The following NHSL1 variants were observed in gnomAD, a reference collection of about 807,000 sequenced individuals.
NHSL1 encodes the protein NHS-like protein 1.
NHSL1 carries 48 observed loss-of-function variants against 95.0 expected under a neutral mutation model. The ratio of observed to expected loss-of-function variants is 0.51; its 90% CI spans 0.40 to 0.64. The LOEUF (loss-of-function observed/expected upper bound fraction) is 0.64, where lower values mean the gene tolerates loss of function less well. Ranked by LOEUF, NHSL1 falls within the 30% of genes least tolerant of loss-of-function variation. The probability of loss-of-function intolerance (pLI) is 0.00; values close to 1 mark genes in which losing one functional copy is unlikely to be tolerated. For missense variants in NHSL1, 1,971 were observed against 2,077.7 expected (o/e 0.95, Z 1.00); for synonymous variants, 783 against 833.9 (o/e 0.94, Z 1.05).
intron 5 of NHSL1, among the ~76,000 whole-genome samples, chr6:138,439,600 T>C (rs1313277732): frequency 6.6e-6 from 1 of 152,234 alleles, no homozygotes; most frequent in South Asian, 2.1e-4. Context: ...CCTCATTCTA[T>C]CCAGTAATCC....
rs1472968303 is a variant in NHSL1 at position 138,520,949 on chromosome 6, C to A, written c.17-24578G>T. ...GAAAGTTATCAGTATCAAAATGGAG[C>A]CACTAATGTCAAACCCAAAAAACTG... On this transcript the variant is annotated intron_variant, in intron 1 of 4. Transcript: ENST00000342260. Among the ~76,000 whole-genome samples, 3 of 152,198 alleles carry A rather than the reference C, an allele frequency of 2.0e-5. No homozygotes were observed. The East Asian group carries it at 5.8e-4, about 29-fold the overall frequency.
At chr6:138,659,535 A>T (rs1280377224) in intron 1 of NHSL1, among the ~76,000 whole-genome samples, 1 of 152,218 alleles carries the variant, frequency 6.6e-6, no homozygotes, top group Admixed American at 6.5e-5. Context: ...TGGGGTTGAA[A>T]GAATGATGCT....
intron 1 of NHSL1, among the ~76,000 whole-genome samples, chr6:138,537,548 C>T (rs897145138): frequency 6.6e-6 from 1 of 152,006 alleles, no homozygotes; most frequent in Non-Finnish European, 1.5e-5. Flanking sequence ...ATTTAAATAA[C>T]ATCACTATAT....
chr6:138,544,944 T>C (rs1782722939), intron 1 of NHSL1, among the ~76,000 whole-genome samples: 1 of 150,914 alleles, frequency 6.6e-6, no homozygotes, highest in Non-Finnish European at 1.5e-5. Flanking sequence ...AGTATTATAA[T>C]CCATATGTGG....
chr6:138,595,772 A>G (rs572825047), intron 1 of NHSL1, among the ~76,000 whole-genome samples: 1 of 152,318 alleles, frequency 6.6e-6, no homozygotes, highest in African/African-American at 2.4e-5. Flanking sequence ...AAGTTGAAAG[A>G]TTTCGGAAAC....
chr6:138,683,625 C>T (rs1396567413), intron 1 of NHSL1, among the ~76,000 whole-genome samples: 2 of 152,168 alleles, frequency 1.3e-5, no homozygotes, highest in African/African-American at 4.8e-5. Context: ...TCTTCCTGGC[C>T]TCATCTGAGT....
At chr6:138,563,264 AC>A (rs1783481419) in intron 1 of NHSL1, among the ~76,000 whole-genome samples, 1 of 152,240 alleles carries the variant, frequency 6.6e-6, no homozygotes, top group Non-Finnish European at 1.5e-5. Flanking sequence ...GTAAACATTC[AC>A]TAAATATTAG....
intron 1 of NHSL1, among the ~76,000 whole-genome samples, chr6:138,605,961 T>A (rs1200399789): frequency 7.2e-5 from 11 of 152,256 alleles, no homozygotes; most frequent in Admixed American, 3.9e-4. Flanking sequence ...ACAGCTCACT[T>A]AACTTCTCTG....
chr6:138,535,376 C>T (rs1378765277), intron 1 of NHSL1, among the ~76,000 whole-genome samples: 1 of 152,060 alleles, frequency 6.6e-6, no homozygotes, highest in Admixed American at 6.6e-5. Flanking sequence ...CCAGTCTCGG[C>T]AACACAGTAA....
upstream of NHSL1, among the ~76,000 whole-genome samples, chr6:138,502,422 A>G (rs1412814649): frequency 6.6e-6 from 1 of 152,098 alleles, no homozygotes; most frequent in East Asian, 1.9e-4. Context: ...TGCAACAGAA[A>G]AGATATAAAT....
intron 3 of NHSL1, chr6:138,464,249 G>T: frequency 2.5e-6 from 2 of 810,720 alleles, no homozygotes; most frequent in Non-Finnish European, 2.0e-6. Context: ...GGCCGGCACC[G>T]TCCTCCTCTC....
At chr6:138,606,523 A>G (rs9484185) in intron 1 of NHSL1, among the ~76,000 whole-genome samples, 25,403 of 152,012 alleles carry the variant, frequency 0.17, 4,117 homozygotes, top group African/African-American at 0.43. Flanking sequence ...AGCCGTCTAC[A>G]ACAAGGGCCC....
Position 138,423,815 on chromosome 6 carries a change from C to CAAAAAAAAAAAAAAAAAAAAAA in NHSL1, c.*244_*265dup, listed in dbSNP as rs56326954. ...GCACACATACACACCCAGCATTTAG[C>CAAAAAAAAAAAAAAAAAAAAAA]AAAAAAAAAAAAAAAAAAAAAAAAT... On this transcript the variant is annotated 3_prime_UTR_variant, in exon 8 of 8. Coordinates refer to ENST00000343505, the MANE Select transcript of NHSL1 (RefSeq NM_001144060.2). The CAAAAAAAAAAAAAAAAAAAAAA allele has an allele frequency of 1.5e-5, 2 of 133,620 alleles. No homozygotes were observed. The highest frequency in any genetic ancestry group is 1.0e-4 in the Admixed American group (1 of 9,586). The allele number at this position is 133,620 out of a possible 1,614,324, so 8.3% of individuals were successfully genotyped here.
chr6:138,475,914 G>C (rs937742107), intron 2 of NHSL1, among the ~76,000 whole-genome samples: 1 of 152,146 alleles, frequency 6.6e-6, no homozygotes, highest in African/African-American at 2.4e-5. Context: ...AGTGAGCTGA[G>C]ATTACACCAC....
intron 1 of NHSL1, among the ~76,000 whole-genome samples, chr6:138,623,398 T>C (rs1784692445): frequency 1.3e-5 from 2 of 152,192 alleles, no homozygotes; most frequent in African/African-American, 4.8e-5. Context: ...ATTCATTTAT[T>C]TATTTTAATT....
chr6:138,443,104 T>G (rs946620303), intron 4 of NHSL1, among the ~76,000 whole-genome samples: 2 of 152,088 alleles, frequency 1.3e-5, no homozygotes, highest in African/African-American at 4.8e-5. Flanking sequence ...ACTTCTATCA[T>G]TTTATGCATA....
chr6:138,432,943 C>T lies in NHSL1; in HGVS notation c.1402G>A (p.Gly468Ser), dbSNP rs537612357. ...GCATGGCCCTCATTCCAGTGGCGAC[C>T]GGGAGACTGAGGATCACCTTTCACA... ...HAVKGDPQSP[G>S]RHWNEGHATI... The change falls in exon 6 of 8, where the codon GGT becomes AGT. Residue 468 changes from glycine to serine, a missense_variant. Gly to Ser is a moderately conservative substitution (Grantham distance 56). Coordinates refer to ENST00000343505, the MANE Select transcript of NHSL1 (RefSeq NM_001144060.2). The surrounding 1 kb of genome is among the most constrained non-coding windows in gnomAD (Gnocchi z 4.4). 27 of 1,551,382 alleles carry T rather than the reference C, an allele frequency of 1.7e-5. No individual in the cohort carries two copies. The highest frequency in any genetic ancestry group is 1.7e-4 in the Middle Eastern group (1 of 5,992).
intron 1 of NHSL1, among the ~76,000 whole-genome samples, chr6:138,601,735 C>A (rs770560359): frequency 1.3e-5 from 2 of 151,948 alleles, no homozygotes; most frequent in African/African-American, 2.4e-5. Context: ...TCGCTTGAAC[C>A]CGGGAGGTGG....
chr6:138,465,021 T>C (rs34708997), intron 3 of NHSL1, among the ~76,000 whole-genome samples: 8,328 of 149,486 alleles, frequency 0.056, 633 homozygotes, highest in East Asian at 0.29. Context: ...CTCTCTTCAC[T>C]GTATGTTTTA....
Sources: allele counts gnomAD v4.1 joint callset (sites outside exome capture counted in the v4.1 genomes callset), GRCh38; gene constraint gnomAD v4.1.1; non-coding constraint Gnocchi (gnomAD v3.1); transcripts MANE v1.5; gene names NCBI Gene and HGNC (gene_info 2026-07-23, HGNC 2026-07-21).